Variants in SPATA9 observed in about 807,000 individuals in gnomAD.
SPATA9 encodes the protein spermatogenesis associated 9, also known as spermatogenesis-associated protein 9.
SPATA9 carries 27 observed loss-of-function variants against 25.5 expected under a neutral mutation model. That is an observed-to-expected ratio of 1.06 (90% CI 0.78 to 1.46). The LOEUF (loss-of-function observed/expected upper bound fraction) is 1.46. Among genes scored for constraint, SPATA9 ranks in the 40% most tolerant of loss-of-function variants. The pLI, the probability that SPATA9 is intolerant of heterozygous loss-of-function variation, is 0.00. For missense variants in SPATA9, 282 were observed against 297.5 expected, an observed-to-expected ratio of 0.95 and a Z score of 0.38; for synonymous variants, 102 against 105.7, an observed-to-expected ratio of 0.97 and a Z score of 0.21.
At chr5:95,676,227 T>C (rs1752941418) in intron 2 of SPATA9, among the ~76,000 whole-genome samples, 3 of 152,186 alleles carry the variant, frequency 2.0e-5, no homozygotes, top group Admixed American at 6.6e-5. Flanking sequence ...GATTTACATA[T>C]TTTGTGTACT....
the SPATA9 span, among the ~76,000 whole-genome samples, chr5:95,718,047 G>C: frequency 6.6e-6 from 1 of 152,198 alleles, no homozygotes; most frequent in Non-Finnish European, 1.5e-5. Context: ...GAGCAATTTT[G>C]TAGCATTTAA....
At chr5:95,730,843 G>T in the SPATA9 span, 1 of 453,154 alleles carries the variant, frequency 2.2e-6, no homozygotes, top group Non-Finnish European at 4.4e-6. Context: ...TCACAAGTAT[G>T]ATTTTAGAAA....
At chr5:95,694,023 A>G (rs1371019229) in intron 1 of SPATA9, among the ~76,000 whole-genome samples, 1 of 152,040 alleles carries the variant, frequency 6.6e-6, no homozygotes, top group Admixed American at 6.6e-5. Flanking sequence ...AGCCTGGTAT[A>G]GCGTCACACA....
At chr5:95,705,792 C>T in the SPATA9 span, among the ~76,000 whole-genome samples, 1 of 152,286 alleles carries the variant, frequency 6.6e-6, no homozygotes, top group African/African-American at 2.4e-5. Flanking sequence ...AACACACAAA[C>T]ATTAACTGAC....
At chr5:95,710,818 C>G in the SPATA9 span, among the ~76,000 whole-genome samples, 3 of 152,146 alleles carry the variant, frequency 2.0e-5, no homozygotes, top group Non-Finnish European at 2.9e-5. Context: ...TTTTCAGCTG[C>G]CTGTGTTGCT....
chr5:95,659,368 A>G (rs977962300), intron 4 of SPATA9: 1 of 155,928 alleles, frequency 6.4e-6, no homozygotes, highest in African/African-American at 2.4e-5. Context: ...AGCTACTATC[A>G]GTGGTTTCTG....
the SPATA9 span, among the ~76,000 whole-genome samples, chr5:95,726,903 A>G: frequency 6.6e-6 from 1 of 152,006 alleles, no homozygotes; most frequent in South Asian, 2.1e-4. Context: ...TTACTGGTCA[A>G]CCTGGGGTAC....
At chr5:95,696,917 A>G (rs1392194691) in intron 1 of SPATA9, among the ~76,000 whole-genome samples, 1 of 152,214 alleles carries the variant, frequency 6.6e-6, no homozygotes, top group Non-Finnish European at 1.5e-5. Flanking sequence ...CCTAAATACC[A>G]TATCAGTGAA....
downstream of SPATA9, chr5:95,652,339 C>T: frequency 6.5e-7 from 1 of 1,550,004 alleles, no homozygotes; most frequent in Middle Eastern, 1.7e-4. Context: ...CAAGTGAGTC[C>T]ATAGAATTCT....
the SPATA9 span, among the ~76,000 whole-genome samples, chr5:95,705,562 G>A: frequency 3.4e-3 from 524 of 152,142 alleles, 5 homozygotes; most frequent in Non-Finnish European, 4.7e-3. Context: ...TTCAGTAAAG[G>A]TCAGCTGGTA....
intron 4 of SPATA9, among the ~76,000 whole-genome samples, chr5:95,660,481 AG>A (rs1751162901): frequency 1.3e-5 from 2 of 152,154 alleles, no homozygotes; most frequent in African/African-American, 4.8e-5. Flanking sequence ...AAGATATTTA[AG>A]TATCTTTATC....
chr5:95,656,092 A>G (rs372462734), downstream of SPATA9: 10 of 1,613,602 alleles, frequency 6.2e-6, no homozygotes, highest in Admixed American at 1.7e-5. Flanking sequence ...CATAAATACA[A>G]AATTACTTTG....
the SPATA9 span, chr5:95,731,134 T>C: frequency 9.8e-7 from 1 of 1,020,896 alleles, no homozygotes; most frequent in Non-Finnish European, 1.2e-6. Flanking sequence ...TAATTTATAT[T>C]CCGCGGCGCC....
At chr5:95,692,707 A>G (rs1320285848) in intron 1 of SPATA9, among the ~76,000 whole-genome samples, 1 of 152,094 alleles carries the variant, frequency 6.6e-6, no homozygotes, top group Non-Finnish European at 1.5e-5. Flanking sequence ...TCCAAGGACT[A>G]TCTTAATTAC....
the SPATA9 span, among the ~76,000 whole-genome samples, chr5:95,716,213 C>T: frequency 6.6e-6 from 1 of 152,186 alleles, no homozygotes; most frequent in Non-Finnish European, 1.5e-5. Flanking sequence ...GTAGATCCAC[C>T]GACAGCTTGC....
chr5:95,683,794 C>G (rs1753640796), upstream of SPATA9, among the ~76,000 whole-genome samples: 2 of 152,144 alleles, frequency 1.3e-5, no homozygotes. Flanking sequence ...GCCTCGGCCT[C>G]CCAAAGTGCT....
chr5:95,701,148 A>G (rs980578299), upstream of SPATA9: 1 of 152,190 alleles, frequency 6.6e-6, no homozygotes, highest in Non-Finnish European at 1.5e-5. Context: ...AAATTCTACA[A>G]TTCTAGAATT....
intron 2 of SPATA9, among the ~76,000 whole-genome samples, chr5:95,680,417 T>C (rs1255262973): frequency 6.6e-6 from 1 of 152,180 alleles, no homozygotes; most frequent in Non-Finnish European, 1.5e-5. Context: ...ACATGCAAAA[T>C]AACTTTAAAA....
chr5:95,718,306 C>T, the SPATA9 span, among the ~76,000 whole-genome samples: 3 of 152,108 alleles, frequency 2.0e-5, no homozygotes, highest in Non-Finnish European at 4.4e-5. Context: ...GAAGTAGATG[C>T]AGTACAGTCC....
Sources: gnomAD v4.1 joint callset for allele counts (sites outside exome capture counted in the v4.1 genomes callset) on GRCh38, gnomAD v4.1.1 for gene constraint, MANE v1.5 for transcripts, NCBI Gene and HGNC (gene_info 2026-07-23, HGNC 2026-07-21) for gene names.